The following MLLT3 variants were observed in gnomAD, a reference collection of about 807,000 sequenced individuals.
MLLT3 encodes the protein protein AF-9.
A neutral mutation model predicts 53.2 loss-of-function variants in MLLT3; 4 were observed. That is an observed-to-expected ratio of 0.08 (90% CI 0.04 to 0.17). The LOEUF is 0.17. Ranked by LOEUF, MLLT3 falls within the 10% of genes least tolerant of loss-of-function variation. The pLI is 1.00. For synonymous variants in MLLT3, 283 were observed against 230.6 expected, an observed-to-expected ratio of 1.23 and a Z score of -2.06; for missense variants, 569 against 684.0, an observed-to-expected ratio of 0.83 and a Z score of 1.87.
intron 2 of MLLT3, among the ~76,000 whole-genome samples, chr9:20,601,495 T>C (rs1295970954): frequency 1.3e-5 from 2 of 152,188 alleles, no homozygotes; most frequent in Non-Finnish European, 2.9e-5. Context: ...AATATGAAAC[T>C]GTAAATGTCT....
intron 2 of MLLT3, among the ~76,000 whole-genome samples, chr9:20,516,873 T>C (rs1228183786): frequency 6.6e-5 from 10 of 152,350 alleles, no homozygotes; most frequent in African/African-American, 1.7e-4. Flanking sequence ...AAATGTATTA[T>C]AATAAATCCA....
chr9:20,545,802 T>C (rs74911461), intron 2 of MLLT3, among the ~76,000 whole-genome samples: 4,463 of 143,738 alleles, frequency 0.031, 102 homozygotes, highest in Admixed American at 0.057. Context: ...GAGGATCCCT[T>C]GAAGACAGGA....
intron 2 of MLLT3, among the ~76,000 whole-genome samples, chr9:20,497,482 C>T (rs1236644313): frequency 4.6e-5 from 7 of 152,134 alleles, no homozygotes; most frequent in African/African-American, 1.7e-4. Context: ...ACCACTGATC[C>T]ACTTCCTGTT....
In MLLT3 at chr9:20,360,855, G is replaced by A. The variant is rs1440270801; in HGVS notation, c.1332-14C>T. On this transcript the variant is annotated splice_polypyrimidine_tract_variant and intron_variant, in intron 7 of 10. Coordinates refer to ENST00000380338, the MANE Select transcript of MLLT3 (RefSeq NM_004529.4). ...CTTAAGCTAACTCTGAAAAGAAACA[G>A]ACAAGTTATGCACATCATTACAAAC... The A allele has an allele frequency of 1.2e-6, 2 of 1,600,444 alleles. No individual in the cohort carries two copies. The highest frequency in any genetic ancestry group is 1.7e-6 in the Non-Finnish European group (2 of 1,167,754).
At chr9:20,531,716 T>C (rs1818340888) in intron 2 of MLLT3, among the ~76,000 whole-genome samples, 1 of 152,184 alleles carries the variant, frequency 6.6e-6, no homozygotes. Flanking sequence ...TAACAAATTG[T>C]TGATTCCCTG....
intron 5 of MLLT3, among the ~76,000 whole-genome samples, chr9:20,399,082 T>C (rs1489061529): frequency 6.6e-6 from 1 of 152,154 alleles, no homozygotes; most frequent in Non-Finnish European, 1.5e-5. Flanking sequence ...GATTTTGTTA[T>C]ATAAACTTAT....
chr9:20,419,399 A>G (rs1003925888), intron 4 of MLLT3, among the ~76,000 whole-genome samples: 2 of 152,034 alleles, frequency 1.3e-5, no homozygotes, highest in African/African-American at 4.8e-5. Flanking sequence ...ACATACAGCC[A>G]TAAGAAGAGT....
At chr9:20,590,437 T>C in intron 2 of MLLT3, among the ~76,000 whole-genome samples, 1 of 152,194 alleles carries the variant, frequency 6.6e-6, no homozygotes, top group South Asian at 2.1e-4. Context: ...ATGGGGGCAG[T>C]TTCCCCCACG....
chr9:20,540,696 A>T (rs1818608119), intron 2 of MLLT3, among the ~76,000 whole-genome samples: 1 of 152,200 alleles, frequency 6.6e-6, no homozygotes, highest in Non-Finnish European at 1.5e-5. Flanking sequence ...CAGGCCAGTG[A>T]TGGGAGGGGC....
Position 20,620,710 on chromosome 9 carries a change from T to C in MLLT3, c.137A>G (p.His46Arg). The C allele has an allele frequency of 6.2e-7, 1 of 1,614,132 alleles. No homozygotes were observed. The highest frequency in any genetic ancestry group is 8.5e-7 in the Non-Finnish European group (1 of 1,180,018). Reference protein sequence around the residue: ...VRGPEHSNIQHFVEKVVFHLH... With the variant: ...VRGPEHSNIQRFVEKVVFHLH... ...GTGGAAGACGACTTTCTCCACAAAGTGCTGTATGTTACTGTGCTCCGGACC... is the reference window on the plus strand; with the variant it reads ...GTGGAAGACGACTTTCTCCACAAAGCGCTGTATGTTACTGTGCTCCGGACC... Residue 46 changes from histidine (H) to arginine (R), a missense_variant, in exon 2 of 11, where the codon CAC (histidine) becomes CGC (arginine). His to Arg is a conservative substitution (Grantham distance 29). This residue lies in a region of MLLT3 where 35 missense variants were observed against 136.8 expected (regional missense o/e 0.26). Coordinates refer to ENST00000380338, the MANE Select transcript of MLLT3 (RefSeq NM_004529.4). The surrounding 1 kb of genome is among the most constrained non-coding windows in gnomAD (Gnocchi z 6.1).
chr9:20,555,528 G>T (rs1819035417), intron 2 of MLLT3, among the ~76,000 whole-genome samples: 1 of 152,184 alleles, frequency 6.6e-6, no homozygotes, highest in African/African-American at 2.4e-5. Context: ...TACACTGATG[G>T]TCTTTAAACC....
intron 4 of MLLT3, among the ~76,000 whole-genome samples, chr9:20,441,293 T>C (rs1370128538): frequency 1.3e-5 from 2 of 152,188 alleles, no homozygotes; most frequent in African/African-American, 2.4e-5. Context: ...GCAATCAACG[T>C]GTGTGACTTT....
At chr9:20,596,561 C>A (rs1429149993) in intron 2 of MLLT3, among the ~76,000 whole-genome samples, 1 of 152,098 alleles carries the variant, frequency 6.6e-6, no homozygotes, top group Non-Finnish European at 1.5e-5. Context: ...CATGGTGGTG[C>A]ATGCCTGTAG....
chr9:20,371,967 G>A (rs1265552874), intron 5 of MLLT3, among the ~76,000 whole-genome samples: 1 of 152,178 alleles, frequency 6.6e-6, no homozygotes. Context: ...ATTAAAAGGA[G>A]TTTGGAAAAA....
At chr9:20,565,970 A>T (rs10964609) in intron 2 of MLLT3, among the ~76,000 whole-genome samples, 1,022 of 28,020 alleles carry the variant, frequency 0.036, 8 homozygotes, top group African/African-American at 0.056. Flanking sequence ...ATATATATTT[A>T]TATATATATA....
chr9:20,438,022 C>A lies in MLLT3; in HGVS notation c.420+10101G>T, dbSNP rs554878960. On this transcript the variant is annotated intron_variant, in intron 4 of 10. Coordinates refer to ENST00000380338, the MANE Select transcript of MLLT3 (RefSeq NM_004529.4). ...AAAGTTTTTGCTCCCTATGCTTAAA[C>A]CAGACCTTTATAGATATCTATGAAT... is the stretch of plus-strand genomic sequence containing the variant. Among the ~76,000 whole-genome samples the A allele has an allele frequency of 2.6e-4, 39 of 152,194 alleles. No homozygotes were observed. In the South Asian group the frequency reaches 7.7e-3, roughly 30 times the overall value.
intron 2 of MLLT3, among the ~76,000 whole-genome samples, chr9:20,592,096 G>C (rs1820144215): frequency 6.6e-6 from 1 of 152,162 alleles, no homozygotes; most frequent in South Asian, 2.1e-4. Flanking sequence ...GATAAGGCAA[G>C]CCTATGAGTA....
At chr9:20,459,961 G>A (rs1426240908) in intron 2 of MLLT3, among the ~76,000 whole-genome samples, 1 of 152,174 alleles carries the variant, frequency 6.6e-6, no homozygotes, top group African/African-American at 2.4e-5. Context: ...AAAACTTACA[G>A]TTCTAATCTG....
At chr9:20,567,476 C>T (rs1277860060) in intron 2 of MLLT3, among the ~76,000 whole-genome samples, 1 of 152,112 alleles carries the variant, frequency 6.6e-6, no homozygotes, top group East Asian at 1.9e-4. Context: ...TAAAATGGCA[C>T]AGGAAACTCT....
Sources: allele counts gnomAD v4.1 joint callset (sites outside exome capture counted in the v4.1 genomes callset), GRCh38; gene constraint gnomAD v4.1.1; regional missense constraint gnomAD v4.1.1; non-coding constraint Gnocchi (gnomAD v3.1); transcripts MANE v1.5; gene names NCBI Gene and HGNC (gene_info 2026-07-23, HGNC 2026-07-21).